YWHAZ: variants seen among roughly 807,000 people sequenced by gnomAD.
YWHAZ encodes the protein 14-3-3 protein zeta/delta.
For missense variants in YWHAZ, 79 were observed against 284.8 expected, an observed-to-expected ratio of 0.28 and a Z score of 5.20; for synonymous variants, 87 against 103.6, an observed-to-expected ratio of 0.84 and a Z score of 0.97.
At chr8:100,927,525 CAA>C (rs894088077) in intron 2 of YWHAZ, among the ~76,000 whole-genome samples, 6 of 152,084 alleles carry the variant, frequency 3.9e-5, no homozygotes, top group African/African-American at 1.4e-4. Context: ...GAGGCTGTCT[CAA>C]AAAGAGTAAC....
At chr8:100,930,955 A>T (rs894012905) in intron 2 of YWHAZ, among the ~76,000 whole-genome samples, 1 of 152,222 alleles carries the variant, frequency 6.6e-6, no homozygotes, top group Non-Finnish European at 1.5e-5. Flanking sequence ...ACTCTTTGGT[A>T]AACAGCTCCT....
intron 2 of YWHAZ, among the ~76,000 whole-genome samples, chr8:100,932,972 A>C (rs1183539668): frequency 1.3e-5 from 2 of 152,218 alleles, no homozygotes; most frequent in East Asian, 3.8e-4. Context: ...ATTAGCGATA[A>C]GGAACCAGTA....
intron 1 of YWHAZ, chr8:100,951,677 C>G: frequency 1.0e-6 from 1 of 985,194 alleles, no homozygotes; most frequent in African/African-American, 1.7e-5. Flanking sequence ...GGGGGCAGGA[C>G]GGGGGAGCGA....
intron 1 of YWHAZ, chr8:100,950,678 G>A: frequency 1.1e-6 from 1 of 881,400 alleles, no homozygotes; most frequent in Non-Finnish European, 1.4e-6. Context: ...GAGAGATGGG[G>A]AGCGAAGCCG....
At chr8:100,921,302 T>C (rs1813009424) in intron 5 of YWHAZ, among the ~76,000 whole-genome samples, 1 of 152,184 alleles carries the variant, frequency 6.6e-6, no homozygotes, top group Non-Finnish European at 1.5e-5. Flanking sequence ...GTGGTGAGAT[T>C]ACAGGTGTGA....
chr8:100,918,422 A>ATT lies in YWHAZ; in HGVS notation c.*2270_*2271insAA. On this transcript the variant is annotated 3_prime_UTR_variant, in exon 6 of 6. Transcript: ENST00000395958. ...ATATAATTACTTTATATATATATAT[A>ATT]TATATATATATATATATATATAATT... The ATT allele has an allele frequency of 1.2e-5, 1 of 86,636 alleles. No individual in the cohort carries two copies. Among genetic ancestry groups the ATT allele is most frequent in the Non-Finnish European group, 2.4e-5 (1 of 40,994 alleles). The allele number at this position is 86,636 out of a possible 1,614,324, so 5.4% of individuals were successfully genotyped here.
chr8:100,938,186 TTC>T (rs1205255886), intron 2 of YWHAZ, among the ~76,000 whole-genome samples: 1 of 152,184 alleles, frequency 6.6e-6, no homozygotes, highest in Non-Finnish European at 1.5e-5. Context: ...TATTTTGTTA[TTC>T]TGACAACTCC....
intron 2 of YWHAZ, among the ~76,000 whole-genome samples, chr8:100,933,010 A>G (rs1813864984): frequency 6.6e-6 from 1 of 152,228 alleles, no homozygotes; most frequent in Admixed American, 6.5e-5. Context: ...GGTTTGCACC[A>G]GTGCTAAATG....
At chr8:100,932,232 G>GA (rs1452905692) in intron 2 of YWHAZ, 2 of 152,352 alleles carry the variant, frequency 1.3e-5, no homozygotes, top group East Asian at 3.9e-4. Context: ...TTTGGAAGGT[G>GA]AAAGTCTAGT....
rs1250441807 is a variant in YWHAZ at position 100,948,941 on chromosome 8, C to A, written c.-11-41G>T. 2.0e-6 allele frequency: 3 copies of A among 1,530,274 alleles called. No homozygotes were observed. Among genetic ancestry groups the A allele is most frequent in the Non-Finnish European group, 2.6e-6 (3 of 1,149,502 alleles). 94.8% of individuals were successfully genotyped at this position (1,530,274 alleles called of 1,614,324 possible). A position where few individuals can be genotyped will look rare whatever the true frequency, so the allele number is the denominator to read the frequency against. ...AAGGAGTATTTAAAATTTTTCCCAT[C>A]AAAATAAACAGACTCAAAATTATAC... On this transcript the variant is annotated intron_variant, in intron 1 of 5. Transcript: ENST00000395958. This position sits in a 1 kb window ranked among gnomAD's most constrained non-coding sequence, Gnocchi z 4.2.
intron 2 of YWHAZ, chr8:100,947,998 A>C: frequency 9.0e-7 from 1 of 1,107,060 alleles, no homozygotes; most frequent in East Asian, 2.6e-5. Flanking sequence ...TGAATACTTA[A>C]AATACTCGAT....
intron 2 of YWHAZ, among the ~76,000 whole-genome samples, chr8:100,931,832 T>C (rs957234855): frequency 7.2e-5 from 11 of 152,116 alleles, no homozygotes; most frequent in African/African-American, 2.7e-4. Flanking sequence ...GCTTTGGTAA[T>C]CTAAAATTTG....
At chr8:100,952,168 C>G (rs1175079513), upstream of YWHAZ, 2 of 984,824 alleles carry the variant, frequency 2.0e-6, no homozygotes, top group Admixed American at 6.1e-5. Context: ...CGATCGGGGC[C>G]CCGCGTAACC....
At chr8:100,928,916 G>A (rs960813448) in intron 2 of YWHAZ, among the ~76,000 whole-genome samples, 6 of 152,040 alleles carry the variant, frequency 3.9e-5, no homozygotes, top group Non-Finnish European at 8.8e-5. Context: ...TTTAGCAAGA[G>A]GGAAGATTTC....
At chr8:100,928,296 G>A (rs1273873203) in intron 2 of YWHAZ, among the ~76,000 whole-genome samples, 5 of 150,766 alleles carry the variant, frequency 3.3e-5, no homozygotes, top group Non-Finnish European at 4.4e-5. Context: ...AAAGAGTTGA[G>A]AAAGGCATAA....
rs185064949 is a variant in YWHAZ, at chr8:100,941,768, A to G, written c.294+6828T>C. Among the ~76,000 whole-genome samples the G allele has an allele frequency of 3.8e-3, 571 of 151,090 alleles. 3 individuals carry two copies. Among genetic ancestry groups the G allele is most frequent in the African/African-American group, 0.013 (530 of 41,120 alleles). On this transcript the variant is annotated intron_variant, in intron 2 of 5. Transcript: ENST00000395958. ...CCACTGCACTCCAGCCTGGACGACA[A>G]GGTGAGACTGCTATCTCAGAAAAAA...
At chr8:100,953,111 A>T, upstream of YWHAZ, 2 of 988,614 alleles carry the variant, frequency 2.0e-6, no homozygotes, top group Non-Finnish European at 2.4e-6. Flanking sequence ...GGGAAAGGAC[A>T]GCCTTCTCGG....
intron 2 of YWHAZ, among the ~76,000 whole-genome samples, chr8:100,933,884 C>T (rs34540560): frequency 0.27 from 40,622 of 151,804 alleles, 5,855 homozygotes; most frequent in Non-Finnish European, 0.33. Context: ...TGGCCAGGCG[C>T]GGTGGCTAAC....
At chr8:100,932,934 A>G (rs1813859023) in intron 2 of YWHAZ, among the ~76,000 whole-genome samples, 1 of 152,234 alleles carries the variant, frequency 6.6e-6, no homozygotes, top group South Asian at 2.1e-4. Flanking sequence ...TACAATAATC[A>G]CTAGTACAGT....
Sources: gnomAD v4.1 joint callset for allele counts (sites outside exome capture counted in the v4.1 genomes callset) on GRCh38, gnomAD v4.1.1 for gene constraint, Gnocchi (gnomAD v3.1) non-coding constraint, MANE v1.5 for transcripts, NCBI Gene and HGNC (gene_info 2026-07-23, HGNC 2026-07-21) for gene names.